The following CCDC192 variants were observed in gnomAD, a reference collection of about 807,000 sequenced individuals.
The protein encoded by CCDC192 is coiled-coil domain containing 192, also known as coiled-coil domain-containing protein 192.
intron 2 of CCDC192, among the ~76,000 whole-genome samples, chr5:127,727,465 T>TC (rs1752394778): frequency 6.9e-6 from 1 of 145,922 alleles, no homozygotes; most frequent in Non-Finnish European, 1.5e-5. Context: ...AGAGAGAAAC[T>TC]CCATCTAAAA....
At chr5:127,921,169 G>GAA (rs1442494503) in intron 6 of CCDC192, among the ~76,000 whole-genome samples, 2 of 149,794 alleles carry the variant, frequency 1.3e-5, no homozygotes, top group Non-Finnish European at 3.0e-5. Context: ...GAAAAGAAAA[G>GAA]AAAAGAAAAG....
At chr5:127,726,088 G>T (rs1752305985) in intron 2 of CCDC192, among the ~76,000 whole-genome samples, 1 of 151,760 alleles carries the variant, frequency 6.6e-6, no homozygotes, top group Non-Finnish European at 1.5e-5. Flanking sequence ...AGATCACCAA[G>T]ATCTCACAAT....
intron 2 of CCDC192, among the ~76,000 whole-genome samples, chr5:127,721,832 G>A (rs888316803): frequency 2.6e-5 from 4 of 152,144 alleles, no homozygotes; most frequent in African/African-American, 9.7e-5. Flanking sequence ...GCATGGCTGG[G>A]GCAGGAGGAA....
chr5:127,820,055 G>A lies in CCDC192; in HGVS notation c.411+21893G>A, dbSNP rs542070185. Among the ~76,000 whole-genome samples the A allele has an allele frequency of 9.9e-5, 15 of 152,280 alleles. 1 individual carries two copies. In the South Asian group the frequency reaches 2.9e-3, roughly 29 times the overall value. On this transcript the variant is annotated intron_variant, in intron 5 of 6. Transcript: ENST00000514853. ...TTTCATCTTCATACTCTTACTGATTGTGTTATTTTAAATGTTCTTATTTTG... is the reference window on the plus strand; with the variant it reads ...TTTCATCTTCATACTCTTACTGATTATGTTATTTTAAATGTTCTTATTTTG...
intron 2 of CCDC192, among the ~76,000 whole-genome samples, chr5:127,752,845 T>C (rs790840): frequency 0.78 from 118,361 of 152,044 alleles, 46,205 homozygotes; most frequent in East Asian, 0.9. Flanking sequence ...GTTGGAAAAG[T>C]GCGGTATTCG....
intron 5 of CCDC192, among the ~76,000 whole-genome samples, chr5:127,824,057 A>T (rs973902674): frequency 6.6e-6 from 1 of 152,196 alleles, no homozygotes; most frequent in African/African-American, 2.4e-5. Context: ...ATGAGAGCAA[A>T]CTAATGAAAG....
chr5:127,933,787 A>ATGGGAG (rs2126318948), intron 6 of CCDC192, among the ~76,000 whole-genome samples: 1 of 152,264 alleles, frequency 6.6e-6, no homozygotes, highest in East Asian at 1.9e-4. Flanking sequence ...GCCCTCATGA[A>ATGGGAG]TGGGAGTAAT....
At chr5:127,836,279 G>A (rs909193672) in intron 5 of CCDC192, among the ~76,000 whole-genome samples, 13 of 152,200 alleles carry the variant, frequency 8.5e-5, no homozygotes, top group Non-Finnish European at 1.8e-4. Context: ...GGGCTCCCAT[G>A]GCATTGGGCA....
chr5:127,752,631 T>G (rs1274210909), intron 2 of CCDC192, among the ~76,000 whole-genome samples: 1 of 152,344 alleles, frequency 6.6e-6, no homozygotes, highest in East Asian at 1.9e-4. Context: ...TGAGCTGTGG[T>G]GGGCTCCACC....
At chr5:127,795,135 A>T (rs1019725680) in intron 3 of CCDC192, among the ~76,000 whole-genome samples, 1 of 152,024 alleles carries the variant, frequency 6.6e-6, no homozygotes, top group Non-Finnish European at 1.5e-5. Flanking sequence ...TCAAAATTAC[A>T]AAGAATTAGC....
chr5:127,905,386 A>T (rs1479230514), intron 6 of CCDC192, among the ~76,000 whole-genome samples: 2 of 152,238 alleles, frequency 1.3e-5, no homozygotes, highest in Admixed American at 6.5e-5. Context: ...ATATTATTTA[A>T]GTGACTATTC....
intron 5 of CCDC192, among the ~76,000 whole-genome samples, chr5:127,836,472 T>C (rs767155356): frequency 2.1e-4 from 32 of 152,300 alleles, no homozygotes; most frequent in Non-Finnish European, 3.5e-4. Flanking sequence ...GGACTCTGTA[T>C]GGGGGCTCCA....
intron 3 of CCDC192, among the ~76,000 whole-genome samples, chr5:127,796,902 G>T (rs774372274): frequency 7.2e-5 from 11 of 152,162 alleles, no homozygotes; most frequent in South Asian, 4.1e-4. Flanking sequence ...TGCTTAGAAA[G>T]ATCTTAGTTA....
chr5:127,827,761 T>C (rs533470023), intron 5 of CCDC192, among the ~76,000 whole-genome samples: 1 of 152,314 alleles, frequency 6.6e-6, no homozygotes, highest in South Asian at 2.1e-4. Context: ...TCCCTTCAAC[T>C]TGATCATTTG....
chr5:127,768,169 T>C (rs2126903680), intron 3 of CCDC192, among the ~76,000 whole-genome samples: 1 of 152,052 alleles, frequency 6.6e-6, no homozygotes, highest in South Asian at 2.1e-4. Context: ...GGAGAATCGC[T>C]TGAACTCAGG....
At chr5:127,821,489 C>G (rs1477877589) in intron 5 of CCDC192, among the ~76,000 whole-genome samples, 1 of 152,200 alleles carries the variant, frequency 6.6e-6, no homozygotes, top group African/African-American at 2.4e-5. Context: ...CTAAGGATCC[C>G]ATGAGTCCCT....
intron 2 of CCDC192, among the ~76,000 whole-genome samples, chr5:127,750,241 G>C (rs1377734227): frequency 6.6e-6 from 1 of 152,022 alleles, no homozygotes; most frequent in African/African-American, 2.4e-5. Flanking sequence ...GCTTTCTCTT[G>C]TGGGCATTTA....
At chr5:127,721,400 C>T (rs980457582) in intron 2 of CCDC192, among the ~76,000 whole-genome samples, 1 of 152,234 alleles carries the variant, frequency 6.6e-6, no homozygotes, top group African/African-American at 2.4e-5. Flanking sequence ...ACTGACCTTA[C>T]TCCAGTTCTC....
intron 3 of CCDC192, among the ~76,000 whole-genome samples, chr5:127,792,525 C>CATATATAT (rs34017962): frequency 8.2e-4 from 116 of 141,296 alleles, no homozygotes; most frequent in Middle Eastern, 7.2e-3. Context: ...ATCACCATCT[C>CATATATAT]ATATATATAT....
Sources: allele counts gnomAD v4.1 joint callset (sites outside exome capture counted in the v4.1 genomes callset), GRCh38; gene constraint gnomAD v4.1.1; transcripts MANE v1.5; gene names NCBI Gene and HGNC (gene_info 2026-07-23, HGNC 2026-07-21).